The following SEC63 variants were observed in gnomAD, a reference collection of about 807,000 sequenced individuals.
The protein encoded by SEC63 is translocation protein SEC63 homolog.
Under a neutral mutation model 116.2 loss-of-function variants are expected in SEC63, and 56 were observed. The observed-to-expected ratio is 0.48, with a 90% CI of 0.39 to 0.60. The LOEUF is 0.60. Ranked by LOEUF, SEC63 falls within the 20% of genes least tolerant of loss-of-function variation. SEC63 has a pLI of 0.00. For missense variants in SEC63, 668 were observed against 900.0 expected, an observed-to-expected ratio of 0.74 and a Z score of 3.30; for synonymous variants, 273 against 294.6, an observed-to-expected ratio of 0.93 and a Z score of 0.75.
chr6:107,934,545 C>G (rs1212395537), intron 1 of SEC63, among the ~76,000 whole-genome samples: 1 of 139,528 alleles, frequency 7.2e-6, no homozygotes, highest in Admixed American at 7.1e-5. Context: ...AAGTGAGGAG[C>G]CCCTACGCCT....
rs759465388 is a variant in SEC63, at chr6:107,929,416, T to C, written c.223A>G (p.Lys75Glu). ...KPQPNIIPTV[K>E]KIVLLAGWAL... ...TTTTTCTTGAAATCCATTACTTACT[T>C]TACTGTAGGAATAATATTTGGCTGG... The change falls in exon 2 of 21, where the codon AAG (lysine) becomes GAG (glutamate). Residue 75 changes from lysine (K) to glutamate (E), a missense_variant and splice_region_variant. Transcript: ENST00000369002. 1 of 1,515,442 alleles carries C rather than the reference T, an allele frequency of 6.6e-7. No homozygotes were observed. The allele number at this position is 1,515,442 out of a possible 1,614,324, so 93.9% of individuals were successfully genotyped here. A position where few individuals can be genotyped will look rare whatever the true frequency, so the allele number is the denominator to read the frequency against.
At chr6:107,936,133 G>A (rs1188715357) in intron 1 of SEC63, among the ~76,000 whole-genome samples, 2 of 152,228 alleles carry the variant, frequency 1.3e-5, no homozygotes, top group African/African-American at 2.4e-5. Flanking sequence ...AAGGTATGAT[G>A]TTCTACTGTT....
At chr6:107,871,962 T>C (rs1786145119) in intron 20 of SEC63, 115 bp from the exon 21 acceptor site, 4 of 1,006,510 alleles carry the variant, frequency 4.0e-6, no homozygotes, top group Non-Finnish European at 6.0e-6. Context: ...TAGTTTTTTA[T>C]GGACACAATT....
intron 10 of SEC63, among the ~76,000 whole-genome samples, chr6:107,905,549 T>A (rs1360239023): frequency 6.6e-6 from 1 of 152,162 alleles, no homozygotes; most frequent in Non-Finnish European, 1.5e-5. Flanking sequence ...ATTAATGACA[T>A]CCCTGGAAAC....
At chr6:107,891,842 G>A (rs1467376599) in intron 16 of SEC63, among the ~76,000 whole-genome samples, 1 of 152,178 alleles carries the variant, frequency 6.6e-6, no homozygotes, top group East Asian at 1.9e-4. Flanking sequence ...GGAGTTTGCT[G>A]GAGGTCTGCT....
intron 19 of SEC63, among the ~76,000 whole-genome samples, chr6:107,874,400 A>T (rs186039158): frequency 8.6e-5 from 13 of 152,006 alleles, no homozygotes; most frequent in Admixed American, 3.3e-4. Flanking sequence ...TGAGACCATC[A>T]TGGCTAACAC....
At chr6:107,872,945 A>T (rs767526073) in intron 19 of SEC63, 33 bp from the exon 20 acceptor site, 1 of 1,378,094 alleles carries the variant, frequency 7.3e-7, no homozygotes, top group Non-Finnish European at 1.0e-6. Flanking sequence ...AAAAATCTGT[A>T]TTATGGGGAG....
intron 18 of SEC63, 25 bp from the exon 19 acceptor site, chr6:107,876,687 A>AAG (rs1554231928): frequency 2.0e-5 from 28 of 1,429,204 alleles, no homozygotes; most frequent in Middle Eastern, 4.0e-4. Context: ...AAAAAAAAAA[A>AAG]AAGAAGAGGG....
rs116494829 is a variant in SEC63 at position 107,913,601 on chromosome 6, G to A, written c.453-174C>T. 7.1e-3 allele frequency among the ~76,000 whole-genome samples: 1,085 copies of A among 152,234 alleles called. 20 individuals are homozygous for A. Among genetic ancestry groups the A allele is most frequent in the African/African-American group, 0.025 (1,036 of 41,544 alleles). On this transcript the variant is annotated intron_variant, in intron 4 of 20. Coordinates refer to ENST00000369002, the MANE Select transcript of SEC63 (RefSeq NM_007214.5). ...AGGGAAAGGGAGGAGCAAGAAATGC[G>A]CATTAACAGAAAATGCTAACTATTG...
chr6:107,883,138 T>G lies in SEC63; in HGVS notation c.1683A>C (p.Ala561=), dbSNP rs1207285047. ...AAACTTCTTCTTCATCTTCCTTTAC[T>G]GCAGCTTCCTAAAAGGGAAAGGCAA... ...QANGVVGNEA[A]VKEDEEEVSD... The change falls in exon 17 of 21, where the codon GCA becomes GCC. Residue 561 remains alanine, a synonymous_variant. Coordinates refer to ENST00000369002, the MANE Select transcript of SEC63 (RefSeq NM_007214.5). 1.2e-6 allele frequency: 2 copies of G among 1,612,120 alleles called. No homozygotes were observed. The highest frequency in any genetic ancestry group is 3.3e-5 in the Admixed American group (2 of 59,964).
rs753577600 is a variant in SEC63 at position 107,957,944 on chromosome 6, G to A, written c.66C>T (p.Phe22=). ...GNTFFYFLTS[F]VGLIVIPATY... ...TCGCCGGGATCACGATGAGCCCCAC[G>A]AAGGAGGTGAGGAAGTAGAAGAAGG... Residue 22 remains phenylalanine (F), a synonymous_variant, in exon 1 of 21, where the codon TTC becomes TTT. Coordinates refer to ENST00000369002, the MANE Select transcript of SEC63 (RefSeq NM_007214.5). The A allele has an allele frequency of 6.8e-6, 11 of 1,613,430 alleles. No individual in the cohort carries two copies. In the East Asian group the frequency reaches 1.8e-4, roughly 26 times the overall value.
At chr6:107,953,668 C>T (rs1318270673) in intron 1 of SEC63, among the ~76,000 whole-genome samples, 1 of 140,514 alleles carries the variant, frequency 7.1e-6, no homozygotes, top group Non-Finnish European at 1.5e-5. Flanking sequence ...CCCCTCTGCC[C>T]GGCCAGCCGC....
chr6:107,897,852 T>C, intron 13 of SEC63, 121 bp from the exon 14 acceptor site: 2 of 714,336 alleles, frequency 2.8e-6, no homozygotes, highest in Non-Finnish European at 5.0e-6. Flanking sequence ...CATATTATAT[T>C]TTAAATTTGT....
chr6:107,901,640 G>A, intron 12 of SEC63, 123 bp from the exon 13 acceptor site: 2 of 664,566 alleles, frequency 3.0e-6, no homozygotes, highest in African/African-American at 1.8e-5. Flanking sequence ...GTTGATTAAT[G>A]TGCATTTCAA....
In SEC63 at chr6:107,876,672, A is replaced by AAAC. The variant is rs1165519094; in HGVS notation, c.1936-11_1936-10insGTT. On this transcript the variant is annotated splice_polypyrimidine_tract_variant and intron_variant, in intron 18 of 20. Coordinates refer to ENST00000369002, the MANE Select transcript of SEC63 (RefSeq NM_007214.5). ...ACCATTCTTGTTTTTCCTGGAAACA[A>AAAC]AAAAAAAAAAAAAAAAAGAAGAGGG... 9 of 1,102,886 alleles carry AAAC rather than the reference A, an allele frequency of 8.2e-6. No individual in the cohort carries two copies. The highest frequency in any genetic ancestry group is 3.1e-5 in the South Asian group (2 of 64,752). The allele number at this position is 1,102,886 out of a possible 1,614,324, so 68.3% of individuals were successfully genotyped here.
At chr6:107,901,557 T>A (rs1787004942) in intron 12 of SEC63, 40 bp from the exon 13 acceptor site, 4 of 1,405,054 alleles carry the variant, frequency 2.8e-6, no homozygotes, top group Non-Finnish European at 3.9e-6. Flanking sequence ...ATTCCCTAAC[T>A]CACAAAGCTT....
chr6:107,902,843 CCTT>C lies in SEC63; in HGVS notation c.1207_1209del (p.Lys403del). 1 of 1,613,548 alleles carries C rather than the reference CCTT, an allele frequency of 6.2e-7. No individual in the cohort carries two copies. Among genetic ancestry groups the C allele is most frequent in the Non-Finnish European group, 8.5e-7 (1 of 1,179,612 alleles). Reference sequence around the variant, plus strand: ...CTGACTTTAAAGTAGCAAAGAATTACCTTCTTATGATTAGAAACCCGTCTAAGA... The same window carrying C: ...CTGACTTTAAAGTAGCAAAGAATTACCTTATGATTAGAAACCCGTCTAAGA... On this transcript the variant is annotated inframe_deletion and splice_region_variant, in exon 12 of 21. Transcript: ENST00000369002.
intron 1 of SEC63, among the ~76,000 whole-genome samples, chr6:107,945,972 T>A (rs192443033): frequency 6.3e-4 from 96 of 152,316 alleles, no homozygotes; most frequent in Non-Finnish European, 1.2e-3. Flanking sequence ...AGTCTTACTC[T>A]GTCGCCCAGG....
intron 14 of SEC63, among the ~76,000 whole-genome samples, chr6:107,896,985 GAAA>G (rs201381619): frequency 9.1e-6 from 1 of 110,406 alleles, no homozygotes; most frequent in Admixed American, 9.7e-5. Context: ...CGTCAAAAAA[GAAA>G]AAAAAAAGAA....
Sources: allele counts gnomAD v4.1 joint callset (sites outside exome capture counted in the v4.1 genomes callset), GRCh38; gene constraint gnomAD v4.1.1; transcripts MANE v1.5; gene names NCBI Gene and HGNC (gene_info 2026-07-23, HGNC 2026-07-21).